The following NFATC1 variants were observed in gnomAD, a reference collection of about 807,000 sequenced individuals.
NFATC1 encodes the protein nuclear factor of activated T-cells, cytoplasmic 1.
A neutral mutation model predicts 76.0 loss-of-function variants in NFATC1; 22 were observed. The observed-to-expected ratio is 0.29, with a 90% CI of 0.21 to 0.41. The LOEUF is 0.41. Among genes scored for constraint, NFATC1 ranks in the 10% least tolerant of loss-of-function variants. The pLI, the probability that NFATC1 is intolerant of heterozygous loss-of-function variation, is 1.00. For missense variants in NFATC1, 1,357 were observed against 1,337.7 expected (o/e 1.01, Z -0.23); for synonymous variants, 704 against 613.1 (o/e 1.15, Z -2.19).
At chr18:79,433,467 G>T in intron 2 of NFATC1, 112 bp from the exon 3 acceptor site, 1 of 1,257,980 alleles carries the variant, frequency 7.9e-7, no homozygotes, top group Admixed American at 1.7e-5. Flanking sequence ...GTCAGGACGT[G>T]CACTCGCCGA....
rs946407414 is a variant in NFATC1, at chr18:79,465,358, G to A, written c.1960-2092G>A. 5.3e-5 allele frequency among the ~76,000 whole-genome samples: 8 copies of A among 152,174 alleles called. No homozygotes were observed. Among genetic ancestry groups the A allele is most frequent in the African/African-American group, 1.4e-4 (6 of 41,440 alleles). ...GGACTTAGGAAAACTGGCATGCACC[G>A]TCCAGCATGCCCCACAGGGTCCCAC... On this transcript the variant is annotated intron_variant, in intron 7 of 9. Coordinates refer to ENST00000427363, the MANE Select transcript of NFATC1 (RefSeq NM_001278669.2). The surrounding 1 kb of genome is among the most constrained non-coding windows in gnomAD (Gnocchi z 4.2).
intron 2 of NFATC1, among the ~76,000 whole-genome samples, chr18:79,414,858 C>T (rs1053805442): frequency 1.3e-5 from 2 of 152,166 alleles, no homozygotes. Flanking sequence ...CAACAGGAGG[C>T]GTTGCCGGGC....
chr18:79,450,128 G>A lies in NFATC1; in HGVS notation c.1590-826G>A, dbSNP rs563448718. Among the ~76,000 whole-genome samples, 84 of 152,286 alleles carry A rather than the reference G, an allele frequency of 5.5e-4. No homozygotes were observed. The South Asian group carries it at 7.5e-3, about 14-fold the overall frequency. ...GGGGCAGAAAGGGTGGCCGGGAGAC[G>A]CCCGCAGCCAGGACCGCGCTCCAGC... is the stretch of plus-strand genomic sequence containing the variant. On this transcript the variant is annotated intron_variant, in intron 4 of 9. Transcript: ENST00000427363.
At chr18:79,459,984 G>A (rs2087973360) in intron 6 of NFATC1, among the ~76,000 whole-genome samples, 1 of 152,190 alleles carries the variant, frequency 6.6e-6, no homozygotes, top group Non-Finnish European at 1.5e-5. Flanking sequence ...AACTCAGATG[G>A]CTTCAAGCGC....
chr18:79,489,757 G>C (rs952357627), intron 9 of NFATC1, among the ~76,000 whole-genome samples: 1 of 152,176 alleles, frequency 6.6e-6, no homozygotes, highest in African/African-American at 2.4e-5. Flanking sequence ...GCCGGTCCTG[G>C]GACCTTGAGC....
chr18:79,467,543 C>T lies in NFATC1; in HGVS notation c.2053C>T (p.Arg685Ter), dbSNP rs1368829678. The change falls in exon 8 of 10, where the codon CGA becomes TGA. Residue 685 changes from arginine to a stop codon, truncating the protein, a stop_gained. Coordinates refer to ENST00000427363, the MANE Select transcript of NFATC1 (RefSeq NM_001278669.2). LOFTEE classifies it high-confidence loss of function. ...SFYVCNGKRKRSQYQRFTYLP... is the reference protein window; with the variant it reads ...SFYVCNGKRK ...CTACGTCTGCAACGGGAAGAGAAAG[C>T]GAAGCCAGTACCAGCGTTTCACCTA... is the stretch of plus-strand genomic sequence containing the variant. The T allele has an allele frequency of 6.2e-7, 1 of 1,613,960 alleles. No individual in the cohort carries two copies. The highest frequency in any genetic ancestry group is 8.5e-7 in the Non-Finnish European group (1 of 1,179,958).
At chr18:79,420,159 T>C (rs551863523) in intron 2 of NFATC1, among the ~76,000 whole-genome samples, 2 of 151,988 alleles carry the variant, frequency 1.3e-5, no homozygotes, top group African/African-American at 4.8e-5. Context: ...CCAGGCGAGG[T>C]TGCTGCAGAG....
chr18:79,465,857 G>A lies in NFATC1; in HGVS notation c.1960-1593G>A, dbSNP rs2144914096. On this transcript the variant is annotated intron_variant, in intron 7 of 9. Transcript: ENST00000427363. The surrounding 1 kb of genome is among the most constrained non-coding windows in gnomAD (Gnocchi z 4.2). ...CCGGGTCAGCCCAGGAGATGGCCCA[G>A]ACCCACAGTGCTCTGGGGGCAGCCC... is the stretch of plus-strand genomic sequence containing the variant. Among the ~76,000 whole-genome samples the A allele has an allele frequency of 1.3e-5, 2 of 152,354 alleles. No individual in the cohort carries two copies. Among genetic ancestry groups the A allele is most frequent in the East Asian group, 3.9e-4 (2 of 5,188 alleles).
At chr18:79,473,292 G>A (rs975427072) in intron 8 of NFATC1, among the ~76,000 whole-genome samples, 3 of 152,270 alleles carry the variant, frequency 2.0e-5, no homozygotes, top group African/African-American at 7.2e-5. Flanking sequence ...ACAACCACCT[G>A]AGGGAGACAG....
intron 9 of NFATC1, among the ~76,000 whole-genome samples, chr18:79,519,397 A>G (rs537303586): frequency 3.3e-5 from 5 of 152,154 alleles, no homozygotes; most frequent in African/African-American, 7.2e-5. Context: ...CAGTGGTACA[A>G]TCTCAGCTCA....
At chr18:79,453,684 A>T (rs1046135517) in intron 6 of NFATC1, among the ~76,000 whole-genome samples, 7 of 152,380 alleles carry the variant, frequency 4.6e-5, no homozygotes, top group South Asian at 2.1e-4. Context: ...GGCGTCTGGT[A>T]TACAGCAGGT....
At chr18:79,526,467 C>T (rs759571597) in intron 9 of NFATC1, among the ~76,000 whole-genome samples, 16 of 152,316 alleles carry the variant, frequency 1.1e-4, no homozygotes, top group East Asian at 3.9e-4. Context: ...GGGACAGAGT[C>T]GGGACCTTCT....
chr18:79,433,153 A>G (rs1389150338), intron 2 of NFATC1, among the ~76,000 whole-genome samples: 1 of 152,178 alleles, frequency 6.6e-6, no homozygotes, highest in Admixed American at 6.5e-5. Context: ...CCACTATTTT[A>G]TAAAGGGCCC....
chr18:79,450,260 G>A (rs2087406797), intron 4 of NFATC1, among the ~76,000 whole-genome samples: 1 of 152,034 alleles, frequency 6.6e-6, no homozygotes, highest in Admixed American at 6.6e-5. Context: ...ATGTATACAT[G>A]GAATGTTTTA....
chr18:79,483,436 G>C, intron 8 of NFATC1, among the ~76,000 whole-genome samples: 1 of 137,718 alleles, frequency 7.3e-6, no homozygotes, highest in African/African-American at 2.8e-5. Context: ...GGCGTGACCT[G>C]GTCCTGGGGT....
At chr18:79,504,655 G>A (rs1222891095) in intron 9 of NFATC1, among the ~76,000 whole-genome samples, 1 of 152,272 alleles carries the variant, frequency 6.6e-6, no homozygotes, top group African/African-American at 2.4e-5. Context: ...AGACATGCCT[G>A]GTGCAGGGTT....
chr18:79,522,920 A>T (rs1601013371), intron 9 of NFATC1, among the ~76,000 whole-genome samples: 2 of 152,216 alleles, frequency 1.3e-5, no homozygotes, highest in East Asian at 3.9e-4. Flanking sequence ...CCAGGCCGCC[A>T]TCTGGGAGGA....
At chr18:79,461,205 G>T in intron 6 of NFATC1, 106 bp from the exon 7 acceptor site, 1 of 1,338,330 alleles carries the variant, frequency 7.5e-7, no homozygotes, top group Non-Finnish European at 1.1e-6. Flanking sequence ...CCTGGGACAA[G>T]GCGCCCTCCT....
At chr18:79,403,954 C>A (rs986279489) in intron 1 of NFATC1, among the ~76,000 whole-genome samples, 1 of 152,184 alleles carries the variant, frequency 6.6e-6, no homozygotes. Flanking sequence ...TTTAGGAAAG[C>A]GTTCCTGCTA....
Sources: gnomAD v4.1 joint callset for allele counts (sites outside exome capture counted in the v4.1 genomes callset) on GRCh38, gnomAD v4.1.1 for gene constraint, Gnocchi (gnomAD v3.1) non-coding constraint, MANE v1.5 for transcripts, NCBI Gene and HGNC (gene_info 2026-07-23, HGNC 2026-07-21) for gene names.